The following CACHD1 variants were observed in gnomAD, a reference collection of about 807,000 sequenced individuals.
CACHD1 encodes cache domain containing 1, also known as VWFA and cache domain-containing protein 1.
In CACHD1, 71 loss-of-function variants were observed where a neutral mutation model predicts 138.7. The observed-to-expected ratio is 0.51, with a 90% CI of 0.42 to 0.62. The LOEUF (loss-of-function observed/expected upper bound fraction) is 0.62, where lower values mean the gene tolerates loss of function less well. Ranked by LOEUF, CACHD1 falls within the 20% of genes least tolerant of loss-of-function variation. The pLI, the probability that CACHD1 is intolerant of heterozygous loss-of-function variation, is 0.00. For synonymous variants in CACHD1, 578 were observed against 591.5 expected (o/e 0.98, Z 0.33); for missense variants, 1,389 against 1,625.3 (o/e 0.85, Z 2.50).
chr1:64,482,049 A>T (rs1646214338), intron 1 of CACHD1, among the ~76,000 whole-genome samples: 1 of 152,236 alleles, frequency 6.6e-6, no homozygotes, highest in Non-Finnish European at 1.5e-5. Flanking sequence ...CATCTCTGAT[A>T]TAAATGTATA....
intron 6 of CACHD1, among the ~76,000 whole-genome samples, chr1:64,633,021 C>T (rs1008727233): frequency 1.3e-5 from 2 of 152,188 alleles, no homozygotes; most frequent in Non-Finnish European, 2.9e-5. Flanking sequence ...TGTTGGCTAT[C>T]TCGTAGAATT....
At chr1:64,657,365 A>C (rs1649301345) in intron 12 of CACHD1, among the ~76,000 whole-genome samples, 1 of 152,330 alleles carries the variant, frequency 6.6e-6, no homozygotes, top group South Asian at 2.1e-4. Flanking sequence ...TACTTTTAGA[A>C]GCTTACGGTA....
At chr1:64,641,471 C>T (rs1391563573) in intron 7 of CACHD1, among the ~76,000 whole-genome samples, 2 of 152,192 alleles carry the variant, frequency 1.3e-5, no homozygotes, top group Admixed American at 1.3e-4. Context: ...GGATAAGTCG[C>T]GTTCTGCATC....
At chr1:64,527,434 G>A (rs894242918) in intron 1 of CACHD1, among the ~76,000 whole-genome samples, 1 of 152,152 alleles carries the variant, frequency 6.6e-6, no homozygotes, top group African/African-American at 2.4e-5. Context: ...GTTTCTTCGG[G>A]GAGTCTTGTG....
chr1:64,640,741 T>TTATATATA (rs67605354), intron 7 of CACHD1, among the ~76,000 whole-genome samples: 4 of 149,308 alleles, frequency 2.7e-5, no homozygotes, highest in African/African-American at 1.0e-4. Context: ...ACTCTCAACA[T>TTATATATA]TATATATATA....
chr1:64,604,609 A>C (rs1647281325), intron 4 of CACHD1, among the ~76,000 whole-genome samples: 1 of 152,206 alleles, frequency 6.6e-6, no homozygotes, highest in Admixed American at 6.5e-5. Context: ...GTAATCCAAC[A>C]TTGTATGTAG....
intron 6 of CACHD1, 88 bp from the exon 7 acceptor site, chr1:64,633,956 C>T: frequency 1.0e-6 from 1 of 982,340 alleles, no homozygotes; most frequent in Non-Finnish European, 1.5e-6. Flanking sequence ...CCTTCTTACT[C>T]CTTGGCCTCT....
chr1:64,550,446 C>T (rs938032688), intron 1 of CACHD1, 148 bp from the exon 2 acceptor site: 3 of 576,550 alleles, frequency 5.2e-6, no homozygotes, highest in Non-Finnish European at 9.3e-6. Context: ...TTGGCTGATA[C>T]TTGGGTTTCT....
At chr1:64,569,591 A>G (rs1424403723) in intron 2 of CACHD1, among the ~76,000 whole-genome samples, 1 of 152,204 alleles carries the variant, frequency 6.6e-6, no homozygotes, top group African/African-American at 2.4e-5. Flanking sequence ...CAGGGCAGGA[A>G]GAGACATGTA....
intron 2 of CACHD1, among the ~76,000 whole-genome samples, chr1:64,573,845 T>G (rs1041736539): frequency 6.6e-6 from 1 of 152,222 alleles, no homozygotes; most frequent in Non-Finnish European, 1.5e-5. Flanking sequence ...AGGGCTGTTG[T>G]GAAGATTAAA....
intron 2 of CACHD1, among the ~76,000 whole-genome samples, chr1:64,581,209 G>T (rs1647010022): frequency 1.3e-5 from 2 of 152,248 alleles, no homozygotes; most frequent in South Asian, 4.2e-4. Context: ...AATAACAAAT[G>T]AAGATATTTT....
In CACHD1 at chr1:64,643,643, T is replaced by C. The variant is rs1039573965; in HGVS notation, c.1156+1674T>C. On this transcript the variant is annotated intron_variant, in intron 8 of 26. Coordinates refer to ENST00000651257, the MANE Select transcript of CACHD1 (RefSeq NM_020925.4). The stretch of plus-strand genomic sequence containing the variant: ...CGAGGTCAGGAGATCAAGACCATCC[T>C]GGCTAACACGGTGAAACCCCATCTC... 7.9e-5 allele frequency among the ~76,000 whole-genome samples: 12 copies of C among 152,296 alleles called. No individual in the cohort carries two copies. In the East Asian group the frequency reaches 9.7e-4, roughly 12 times the overall value.
At chr1:64,480,421 A>G (rs1330447287) in intron 1 of CACHD1, among the ~76,000 whole-genome samples, 1 of 152,098 alleles carries the variant, frequency 6.6e-6, no homozygotes, top group East Asian at 1.9e-4. Context: ...AACTTGACAT[A>G]GTAGTATACA....
intron 7 of CACHD1, among the ~76,000 whole-genome samples, chr1:64,634,995 CAAAAAAAAAA>C (rs71056059): frequency 1.6e-5 from 1 of 63,876 alleles, no homozygotes; most frequent in African/African-American, 6.9e-5. Context: ...GACTCTGTCT[CAAAAAAAAAA>C]AAAAAAAAAA....
intron 1 of CACHD1, among the ~76,000 whole-genome samples, chr1:64,532,480 G>GGCTGGGA (rs1396140944): frequency 1.3e-5 from 2 of 152,198 alleles, no homozygotes; most frequent in African/African-American, 4.8e-5. Flanking sequence ...CCTGGAGGTA[G>GGCTGGGA]GCTGGGAGCA....
Position 64,681,987 on chromosome 1 carries a change from G to T in CACHD1, c.3485-18G>T, listed in dbSNP as rs762595341. 8.1e-6 allele frequency: 13 copies of T among 1,609,890 alleles called. No individual in the cohort carries two copies. The South Asian group carries it at 1.3e-4, about 16-fold the overall frequency. On this transcript the variant is annotated intron_variant, in intron 25 of 26. Transcript: ENST00000651257. Reference sequence around the variant, plus strand: ...TACTGGCATAAGAGTGACATTAACTGTCCTTGGCTTCCTACAGTCAGCAAC... The same window carrying T: ...TACTGGCATAAGAGTGACATTAACTTTCCTTGGCTTCCTACAGTCAGCAAC...
chr1:64,499,858 A>G (rs1646328445), intron 1 of CACHD1, among the ~76,000 whole-genome samples: 1 of 152,160 alleles, frequency 6.6e-6, no homozygotes, highest in South Asian at 2.1e-4. Flanking sequence ...TGTTCTTTAC[A>G]ATCTTGTGTG....
intron 4 of CACHD1, among the ~76,000 whole-genome samples, chr1:64,611,588 G>A (rs1277378673): frequency 6.6e-6 from 1 of 152,198 alleles, no homozygotes; most frequent in Admixed American, 6.5e-5. Context: ...CTAAAGCATA[G>A]CAAGAGTGGC....
chr1:64,674,024 G>T (rs1034873433), intron 19 of CACHD1, among the ~76,000 whole-genome samples: 2 of 152,130 alleles, frequency 1.3e-5, no homozygotes, highest in Admixed American at 1.3e-4. Context: ...AATAATCCTA[G>T]TTGGGAGAAA....
Sources: gnomAD v4.1 joint callset for allele counts (sites outside exome capture counted in the v4.1 genomes callset) on GRCh38, gnomAD v4.1.1 for gene constraint, MANE v1.5 for transcripts, NCBI Gene and HGNC (gene_info 2026-07-23, HGNC 2026-07-21) for gene names.